Variants in SV2C observed in about 807,000 individuals in gnomAD.
SV2C encodes the protein synaptic vesicle glycoprotein 2C, also known as solute carrier family 22 member B3.
A neutral mutation model predicts 79.7 loss-of-function variants in SV2C; 49 were observed. The observed-to-expected ratio is 0.61, with a 90% confidence interval of 0.49 to 0.78. SV2C has a LOEUF of 0.78. Ranked by LOEUF, SV2C falls within the 30% of genes least tolerant of loss-of-function variation. The pLI is 0.00. For missense variants in SV2C, 833 were observed against 912.9 expected (o/e 0.91, Z 1.13); for synonymous variants, 334 against 333.2 (o/e 1.00, Z -0.03).
chr5:76,104,152 A>G (rs142516634), intron 1 of SV2C, among the ~76,000 whole-genome samples: 1 of 152,198 alleles, frequency 6.6e-6, no homozygotes, highest in Non-Finnish European at 1.5e-5. Context: ...AGCTGTAGGT[A>G]GCACTATGAG....
intron 2 of SV2C, among the ~76,000 whole-genome samples, chr5:76,157,580 T>A (rs1012515973): frequency 1.6e-4 from 25 of 151,800 alleles, no homozygotes; most frequent in Admixed American, 1.4e-3. Context: ...TATACACACA[T>A]ACATATATAT....
At chr5:76,260,448 T>G (rs1418027270) in intron 4 of SV2C, among the ~76,000 whole-genome samples, 1 of 152,206 alleles carries the variant, frequency 6.6e-6, no homozygotes, top group Non-Finnish European at 1.5e-5. Flanking sequence ...TTAGTTTAAT[T>G]AGATCCAGTT....
chr5:76,151,008 A>G (rs1255311975), intron 2 of SV2C, among the ~76,000 whole-genome samples: 1 of 152,192 alleles, frequency 6.6e-6, no homozygotes, highest in East Asian at 1.9e-4. Context: ...ACAAAGATCA[A>G]CCAGATACAA....
At chr5:76,147,598 G>A (rs987846423) in intron 2 of SV2C, among the ~76,000 whole-genome samples, 1 of 152,172 alleles carries the variant, frequency 6.6e-6, no homozygotes, top group African/African-American at 2.4e-5. Context: ...GAGAGTAGAG[G>A]GTGGGACTTG....
the SV2C span, among the ~76,000 whole-genome samples, chr5:75,967,916 C>T: frequency 4.5e-3 from 684 of 152,290 alleles, 7 homozygotes; most frequent in African/African-American, 0.015. Flanking sequence ...CTGGGAGGCA[C>T]CCCCCAGTAG....
In SV2C at chr5:76,197,761, G is replaced by A. The variant is rs539706041; in HGVS notation, c.761+2662G>A. Among the ~76,000 whole-genome samples the A allele has an allele frequency of 2.6e-3, 225 of 85,994 alleles. 2 individuals are homozygous for A. The highest frequency in any genetic ancestry group is 9.7e-3 in the African/African-American group (210 of 21,578). The allele number at this position is 85,994 out of a possible 152,430, so 56.4% of individuals were successfully genotyped here. A position where few individuals can be genotyped will look rare whatever the true frequency, so the allele number is the denominator to read the frequency against. On this transcript the variant is annotated intron_variant, in intron 3 of 12. Coordinates refer to ENST00000502798, the MANE Select transcript of SV2C (RefSeq NM_014979.4). ...ATGAGACAGGACTAATTAAGGCAAC[G>A]GCTCACACAATTATGGAGGCTGAGG...
chr5:76,005,231 G>A, the SV2C span, among the ~76,000 whole-genome samples: 1 of 151,920 alleles, frequency 6.6e-6, no homozygotes, highest in African/African-American at 2.4e-5. Context: ...GCTTTTATTT[G>A]TTTTATATTT....
At chr5:75,865,277 G>C in the SV2C span, among the ~76,000 whole-genome samples, 1 of 152,224 alleles carries the variant, frequency 6.6e-6, no homozygotes, top group Non-Finnish European at 1.5e-5. Flanking sequence ...TTATGTCTGA[G>C]TAGGGCCAGA....
At chr5:76,215,142 G>C (rs1225040021) in intron 4 of SV2C, among the ~76,000 whole-genome samples, 3 of 152,100 alleles carry the variant, frequency 2.0e-5, no homozygotes, top group African/African-American at 7.2e-5. Context: ...GCTTGTCATT[G>C]ATGGCCTTGA....
chr5:75,938,730 T>C, the SV2C span, among the ~76,000 whole-genome samples: 1 of 152,200 alleles, frequency 6.6e-6, no homozygotes, highest in African/African-American at 2.4e-5. Context: ...ATTTTTAGTT[T>C]TGATAATTTG....
chr5:76,175,382 A>G (rs952909690), intron 2 of SV2C, among the ~76,000 whole-genome samples: 3 of 152,234 alleles, frequency 2.0e-5, no homozygotes, highest in Non-Finnish European at 2.9e-5. Flanking sequence ...GTATAATTCA[A>G]TTAAAAAGGG....
Position 76,232,826 on chromosome 5 carries a change from G to C in SV2C, c.913+22939G>C, listed in dbSNP as rs1230279366. The stretch of plus-strand genomic sequence containing the variant: ...TCTGTTTTGGTACCAGTACCATGCT[G>C]TTTTGGTTACTGTAGCCTTGTAGCA... On this transcript the variant is annotated intron_variant, in intron 4 of 12. Transcript: ENST00000502798. Among the ~76,000 whole-genome samples, 3 of 143,540 alleles carry C rather than the reference G, an allele frequency of 2.1e-5. No homozygotes were observed. In the East Asian group the frequency reaches 5.8e-4, roughly 28 times the overall value. The allele number at this position is 143,540 out of a possible 152,430, so 94.2% of individuals were successfully genotyped here. A position where few individuals can be genotyped will look rare whatever the true frequency, so the allele number is the denominator to read the frequency against.
the SV2C span, among the ~76,000 whole-genome samples, chr5:76,023,279 A>C: frequency 2.0e-5 from 3 of 152,170 alleles, no homozygotes; most frequent in Non-Finnish European, 4.4e-5. Context: ...TGCTGTCAAA[A>C]TAAAGTAGTC....
intron 12 of SV2C, among the ~76,000 whole-genome samples, chr5:76,350,218 T>C (rs1749621008): frequency 6.6e-6 from 1 of 152,190 alleles, no homozygotes; most frequent in Non-Finnish European, 1.5e-5. Context: ...AGGGGCCCTT[T>C]AGCTGCTAGA....
At chr5:76,110,517 C>A (rs1223245184) in intron 1 of SV2C, among the ~76,000 whole-genome samples, 1 of 152,156 alleles carries the variant, frequency 6.6e-6, no homozygotes, top group African/African-American at 2.4e-5. Context: ...TTCAGCAGAC[C>A]CTCGGGGTTT....
chr5:76,281,264 G>A (rs1580017225), intron 4 of SV2C: 4 of 511,008 alleles, frequency 7.8e-6, no homozygotes, highest in Admixed American at 2.2e-5. Context: ...TGAAGATGAC[G>A]ATTATTGAAC....
At chr5:76,093,002 G>A (rs1405877199) in intron 1 of SV2C, among the ~76,000 whole-genome samples, 1 of 152,082 alleles carries the variant, frequency 6.6e-6, no homozygotes, top group Non-Finnish European at 1.5e-5. Flanking sequence ...TGAGATATTT[G>A]TAACTCCTGG....
chr5:76,300,392 CATG>C (rs372575044), intron 10 of SV2C, among the ~76,000 whole-genome samples: 2 of 152,070 alleles, frequency 1.3e-5, no homozygotes, highest in East Asian at 3.9e-4. Context: ...CTTTATGTAA[CATG>C]ATAATTAGGA....
At chr5:76,170,596 C>G (rs1392319153) in intron 2 of SV2C, among the ~76,000 whole-genome samples, 1 of 138,648 alleles carries the variant, frequency 7.2e-6, no homozygotes, top group Admixed American at 7.3e-5. Context: ...AAACATTGTT[C>G]CCTATGTAAA....
Sources: gnomAD v4.1 joint callset for allele counts (sites outside exome capture counted in the v4.1 genomes callset) on GRCh38, gnomAD v4.1.1 for gene constraint, MANE v1.5 for transcripts, NCBI Gene and HGNC (gene_info 2026-07-23, HGNC 2026-07-21) for gene names.